Variants in BCL2 observed in about 807,000 individuals in gnomAD.
The protein encoded by BCL2 is apoptosis regulator Bcl-2.
A neutral mutation model predicts 14.2 loss-of-function variants in BCL2; 1 was observed. That is an observed-to-expected ratio of 0.07 (90% CI 0.02 to 0.33). The LOEUF (loss-of-function observed/expected upper bound fraction) is 0.33, where lower values mean the gene tolerates loss of function less well. Ranked by LOEUF, BCL2 falls within the 10% of genes least tolerant of loss-of-function variation. BCL2 has a pLI of 0.99. For missense variants in BCL2, 247 were observed against 305.9 expected (o/e 0.81, Z 1.44); for synonymous variants, 151 against 137.2 (o/e 1.10, Z -0.70).
chr18:63,212,102 T>C (rs190159957), intron 2 of BCL2, among the ~76,000 whole-genome samples: 8,515 of 150,106 alleles, frequency 0.057, 300 homozygotes, highest in Admixed American at 0.11. Flanking sequence ...CTGAGGCAGG[T>C]GGATCACAAG....
intron 2 of BCL2, among the ~76,000 whole-genome samples, chr18:63,157,107 G>A (rs763175068): frequency 3.9e-5 from 6 of 152,212 alleles, no homozygotes; most frequent in Admixed American, 6.5e-5. Flanking sequence ...TTGTTTTCCC[G>A]AGGAATTAAG....
At position 63,223,400 on chromosome 18, in the gene BCL2, A is replaced by C. The variant is rs956342315; in HGVS notation, c.586-94641T>G. Among the ~76,000 whole-genome samples, 7 of 43,078 alleles carry C rather than the reference A, an allele frequency of 1.6e-4. No homozygotes were observed. In the East Asian group the frequency reaches 1.9e-3, roughly 12 times the overall value. 28.3% of individuals were successfully genotyped at this position (43,078 alleles called of 152,430 possible). ...GGGCGACAGAGCAAGACTCCGTTTC[A>C]AAAAAAAAAAATAAATAAAGAAGAA... On this transcript the variant is annotated intron_variant, in intron 2 of 2. Coordinates refer to ENST00000333681, the MANE Select transcript of BCL2 (RefSeq NM_000633.3).
At chr18:63,274,448 G>A (rs541644142) in intron 2 of BCL2, among the ~76,000 whole-genome samples, 43 of 151,584 alleles carry the variant, frequency 2.8e-4, no homozygotes, top group African/African-American at 9.9e-4. Context: ...CCATGCCCGG[G>A]TAATTTTTGT....
rs577788537 is a variant in BCL2 at position 63,181,701 on chromosome 18, C to T, written c.586-52942G>A. On this transcript the variant is annotated intron_variant, in intron 2 of 2. Transcript: ENST00000333681. The stretch of plus-strand genomic sequence containing the variant: ...GACATGTGTCCAACTTCACCATCAT[C>T]CTATCAAATCCACATGACAACCTGC... Among the ~76,000 whole-genome samples the T allele has an allele frequency of 3.3e-5, 5 of 152,312 alleles. No individual in the cohort carries two copies. In the South Asian group the frequency reaches 6.2e-4, roughly 19 times the overall value.
intron 2 of BCL2, among the ~76,000 whole-genome samples, chr18:63,236,715 G>T (rs982819483): frequency 7.9e-6 from 1 of 127,312 alleles, no homozygotes; most frequent in Non-Finnish European, 1.7e-5. Context: ...AGAGGAGGAA[G>T]GGGCCGGAGG....
rs1330637700 is a variant in BCL2 at position 63,127,790 on chromosome 18, T to C, written c.*835A>G. 8.9e-6 allele frequency: 2 copies of C among 225,712 alleles called. No homozygotes were observed. Among genetic ancestry groups the C allele is most frequent in the Non-Finnish European group, 1.8e-5 (2 of 113,212 alleles). The allele number at this position is 225,712 out of a possible 1,614,324, so 14.0% of individuals were successfully genotyped here. A position where few individuals can be genotyped will look rare whatever the true frequency, so the allele number is the denominator to read the frequency against. ...GTTTCTTACTCAGACAGAGCCAGTA[T>C]TGGGAGTTGGGGGGTGCGTATCCAA... On this transcript the variant is annotated 3_prime_UTR_variant, in exon 3 of 3. Coordinates refer to ENST00000333681, the MANE Select transcript of BCL2 (RefSeq NM_000633.3).
rs192410328 is a variant in BCL2, at chr18:63,248,101, A to G, written c.585+69981T>C. ...CTTCATTTCACGCTTCTCTTAAAAG[A>G]AAACAGGCTGGATTGTTTCAGTAAA... On this transcript the variant is annotated intron_variant, in intron 2 of 2. Coordinates refer to ENST00000333681, the MANE Select transcript of BCL2 (RefSeq NM_000633.3). Among the ~76,000 whole-genome samples the G allele has an allele frequency of 9.4e-4, 143 of 152,350 alleles. 3 individuals carry two copies. In the East Asian group the frequency reaches 0.021, roughly 23 times the overall value.
chr18:63,242,481 A>G (rs899816965), intron 2 of BCL2, among the ~76,000 whole-genome samples: 4 of 152,192 alleles, frequency 2.6e-5, no homozygotes, highest in Non-Finnish European at 5.9e-5. Context: ...AGGGATTCTG[A>G]GTATAGCGTA....
chr18:63,185,595 G>A (rs546714098), intron 2 of BCL2, among the ~76,000 whole-genome samples: 9 of 152,336 alleles, frequency 5.9e-5, no homozygotes, highest in Admixed American at 1.3e-4. Flanking sequence ...CAAAGGTCAA[G>A]GTTAAGTAAC....
At chr18:63,228,393 G>A (rs951569408) in intron 2 of BCL2, among the ~76,000 whole-genome samples, 5 of 152,116 alleles carry the variant, frequency 3.3e-5, no homozygotes, top group South Asian at 4.1e-4. Context: ...AGCTGCCCAC[G>A]ACTACATGAT....
intron 2 of BCL2, among the ~76,000 whole-genome samples, chr18:63,275,426 C>T (rs909769421): frequency 2.6e-5 from 4 of 152,144 alleles, no homozygotes; most frequent in Non-Finnish European, 2.9e-5. Flanking sequence ...CTGTCCTCCC[C>T]GGGACCACTA....
intron 2 of BCL2, among the ~76,000 whole-genome samples, chr18:63,207,200 G>A (rs1909861149): frequency 6.6e-6 from 1 of 152,250 alleles, no homozygotes; most frequent in African/African-American, 2.4e-5. Flanking sequence ...TCCAGGTGCA[G>A]GCGGCAGGAG....
At chr18:63,278,517 GC>G (rs1424480641) in intron 2 of BCL2, among the ~76,000 whole-genome samples, 1 of 152,124 alleles carries the variant, frequency 6.6e-6, no homozygotes, top group African/African-American at 2.4e-5. Context: ...TATCACCCTG[GC>G]CTGCCTTCAG....
chr18:63,220,741 G>T (rs1188240321), intron 2 of BCL2, among the ~76,000 whole-genome samples: 1 of 151,930 alleles, frequency 6.6e-6, no homozygotes, highest in Non-Finnish European at 1.5e-5. Context: ...GCTAGAAAAG[G>T]TGAAAAACCC....
intron 2 of BCL2, among the ~76,000 whole-genome samples, chr18:63,219,568 T>G (rs1447289312): frequency 6.6e-6 from 1 of 151,486 alleles, no homozygotes. Flanking sequence ...GCAATTCTCC[T>G]GTCTCAGCCT....
intron 2 of BCL2, among the ~76,000 whole-genome samples, chr18:63,254,574 CCTT>C (rs1911415602): frequency 1.3e-5 from 2 of 151,692 alleles, no homozygotes; most frequent in South Asian, 4.2e-4. Flanking sequence ...AAATGGAATT[CCTT>C]CTTCTTCTGA....
intron 2 of BCL2, among the ~76,000 whole-genome samples, chr18:63,135,465 T>C (rs954770337): frequency 5.9e-5 from 9 of 152,226 alleles, no homozygotes; most frequent in South Asian, 4.1e-4. Context: ...TTCTGTTCCT[T>C]TTGATGACTG....
chr18:63,299,731 C>T (rs998845697), intron 2 of BCL2, among the ~76,000 whole-genome samples: 12 of 152,084 alleles, frequency 7.9e-5, no homozygotes, highest in African/African-American at 2.4e-4. Flanking sequence ...CTTGGCAGGC[C>T]CTTCAATTAC....
At chr18:63,167,075 G>A (rs1314681496) in intron 2 of BCL2, among the ~76,000 whole-genome samples, 2 of 152,214 alleles carry the variant, frequency 1.3e-5, no homozygotes, top group Non-Finnish European at 2.9e-5. Context: ...ATGGGAGCAC[G>A]AAGGAAGGTG....
Sources: allele counts gnomAD v4.1 joint callset (sites outside exome capture counted in the v4.1 genomes callset), GRCh38; gene constraint gnomAD v4.1.1; transcripts MANE v1.5; gene names NCBI Gene and HGNC (gene_info 2026-07-23, HGNC 2026-07-21).